The following ADAM22 variants were observed in gnomAD, a reference collection of about 807,000 sequenced individuals.
ADAM22 encodes the protein disintegrin and metalloproteinase domain-containing protein 22.
Under a neutral mutation model 144.6 loss-of-function variants are expected in ADAM22, and 65 were observed. That is an observed-to-expected ratio of 0.45 (90% CI 0.37 to 0.55). ADAM22 has a LOEUF of 0.55. ADAM22 is among the 20% of genes least tolerant of loss of function. The pLI is 0.00. For missense variants in ADAM22, 974 were observed against 1,184.9 expected (o/e 0.82, Z 2.61); for synonymous variants, 391 against 412.6 (o/e 0.95, Z 0.63).
chr7:88,044,439 A>G (rs1488226203), intron 3 of ADAM22, among the ~76,000 whole-genome samples: 2 of 152,148 alleles, frequency 1.3e-5, no homozygotes, highest in African/African-American at 2.4e-5. Flanking sequence ...TTAAATTCAT[A>G]TAATGGAGAC....
intron 3 of ADAM22, among the ~76,000 whole-genome samples, chr7:88,008,416 C>T (rs1184774714): frequency 5.3e-5 from 8 of 151,114 alleles, no homozygotes; most frequent in Admixed American, 2.6e-4. Context: ...ACCCAAAGGA[C>T]TATAAATCAT....
intron 7 of ADAM22, among the ~76,000 whole-genome samples, chr7:88,120,744 C>A (rs1829081891): frequency 6.6e-6 from 1 of 152,164 alleles, no homozygotes; most frequent in Admixed American, 6.6e-5. Flanking sequence ...TACTTAATGG[C>A]ATCTTATGAT....
In ADAM22 at chr7:88,094,146, A is replaced by G. The variant is rs550292480; in HGVS notation, c.391-14030A>G. Among the ~76,000 whole-genome samples the G allele has an allele frequency of 5.3e-5, 8 of 152,298 alleles. No individual in the cohort carries two copies. In the South Asian group the frequency reaches 1.7e-3, roughly 32 times the overall value. On this transcript the variant is annotated intron_variant, in intron 4 of 31. Transcript: ENST00000413139. Reference sequence around the variant, plus strand: ...CTTGCCCTCATGAAGCTTGTCCTTTAGTAGGAGAGACAGGCATGATGCAGG... The same window carrying G: ...CTTGCCCTCATGAAGCTTGTCCTTTGGTAGGAGAGACAGGCATGATGCAGG...
chr7:88,141,750 A>G (rs1834753317), intron 14 of ADAM22, among the ~76,000 whole-genome samples: 1 of 152,148 alleles, frequency 6.6e-6, no homozygotes, highest in Admixed American at 6.5e-5. Flanking sequence ...TTTTATTAAT[A>G]TATATCACAG....
chr7:88,037,889 C>T (rs972307193), intron 3 of ADAM22, among the ~76,000 whole-genome samples: 1 of 152,098 alleles, frequency 6.6e-6, no homozygotes, highest in African/African-American at 2.4e-5. Context: ...AAACTTTGTG[C>T]CAATATTCAG....
chr7:88,076,527 C>CCCACA (rs1814555550), intron 4 of ADAM22, among the ~76,000 whole-genome samples: 1 of 152,080 alleles, frequency 6.6e-6, no homozygotes, highest in Admixed American at 6.6e-5. Context: ...CCTGCCCCAC[C>CCCACA]CCACACCTCC....
chr7:87,979,056 C>T (rs1052822875), intron 3 of ADAM22, among the ~76,000 whole-genome samples: 3 of 152,150 alleles, frequency 2.0e-5, no homozygotes, highest in Admixed American at 1.3e-4. Context: ...AAAAGGGTTT[C>T]TATCCTACTT....
intron 4 of ADAM22, among the ~76,000 whole-genome samples, chr7:88,096,812 A>G (rs1044056815): frequency 6.6e-6 from 1 of 152,162 alleles, no homozygotes; most frequent in Non-Finnish European, 1.5e-5. Context: ...TTATGGAAAC[A>G]TAAGTAACAG....
chr7:88,034,893 T>G (rs1009606850), intron 3 of ADAM22, among the ~76,000 whole-genome samples: 1 of 152,062 alleles, frequency 6.6e-6, no homozygotes, highest in Non-Finnish European at 1.5e-5. Flanking sequence ...TGCTGGGGTG[T>G]GGGGAAGGGT....
intron 22 of ADAM22, among the ~76,000 whole-genome samples, chr7:88,159,992 T>C (rs1841128276): frequency 6.6e-6 from 1 of 152,178 alleles, no homozygotes; most frequent in Non-Finnish European, 1.5e-5. Context: ...CGTGATTCTA[T>C]ATCTAGAAAA....
At chr7:88,092,389 C>G (rs1000649750) in intron 4 of ADAM22, among the ~76,000 whole-genome samples, 1 of 152,208 alleles carries the variant, frequency 6.6e-6, no homozygotes, top group African/African-American at 2.4e-5. Flanking sequence ...GTGTTTATTT[C>G]CTCCTCACAT....
At position 88,154,612 on chromosome 7, in the gene ADAM22, CTTAT is replaced by C. The variant is rs1426000625; in HGVS notation, c.1788-1271_1788-1268del. 2.0e-5 allele frequency among the ~76,000 whole-genome samples: 3 copies of C among 152,084 alleles called. No individual in the cohort carries two copies. The East Asian group carries it at 5.8e-4, about 29-fold the overall frequency. ...GTTGTTTATGTGTGTGATTTATCTT[CTTAT>C]TTAGAGTATAATTTTCTTGTGAATA... On this transcript the variant is annotated intron_variant, in intron 21 of 31. Coordinates refer to ENST00000413139, the MANE Select transcript of ADAM22 (RefSeq NM_001324418.2).
At chr7:88,036,584 A>G (rs952188980) in intron 3 of ADAM22, among the ~76,000 whole-genome samples, 1 of 152,130 alleles carries the variant, frequency 6.6e-6, no homozygotes, top group Non-Finnish European at 1.5e-5. Context: ...TCACTGGAAT[A>G]CAGTACTGTA....
intron 26 of ADAM22, among the ~76,000 whole-genome samples, chr7:88,172,761 T>C (rs1844665181): frequency 6.6e-6 from 1 of 151,886 alleles, no homozygotes; most frequent in African/African-American, 2.4e-5. Context: ...AAAGTAAAAC[T>C]GGGACAAAAT....
chr7:88,122,548 C>T (rs1453230249), intron 7 of ADAM22, among the ~76,000 whole-genome samples: 1 of 152,188 alleles, frequency 6.6e-6, no homozygotes, highest in African/African-American at 2.4e-5. Context: ...GGTCTCTAAG[C>T]ATTTCATCCC....
intron 3 of ADAM22, among the ~76,000 whole-genome samples, chr7:88,068,524 G>A (rs1298258367): frequency 6.6e-6 from 1 of 152,126 alleles, no homozygotes; most frequent in African/African-American, 2.4e-5. Flanking sequence ...TTTGGTGACT[G>A]CTCTAAGGAA....
chr7:87,989,031 A>G (rs1276267758), intron 3 of ADAM22, among the ~76,000 whole-genome samples: 1 of 152,224 alleles, frequency 6.6e-6, no homozygotes, highest in Non-Finnish European at 1.5e-5. Context: ...GATTAATTCT[A>G]CTGTTTGTGT....
chr7:88,077,679 G>T lies in ADAM22; in HGVS notation c.390+1987G>T, dbSNP rs539905053. 7.9e-5 allele frequency among the ~76,000 whole-genome samples: 12 copies of T among 152,288 alleles called. No individual in the cohort carries two copies. In the South Asian group the frequency reaches 2.5e-3, roughly 32 times the overall value. On this transcript the variant is annotated intron_variant, in intron 4 of 31. Coordinates refer to ENST00000413139, the MANE Select transcript of ADAM22 (RefSeq NM_001324418.2). ...GCTTTTCCAACGGGCTTAACAAACG[G>T]CACACCAGGAGATTATATCCCACAC...
chr7:88,017,816 T>G (rs911315928), intron 3 of ADAM22, among the ~76,000 whole-genome samples: 5 of 152,066 alleles, frequency 3.3e-5, no homozygotes, highest in African/African-American at 1.2e-4. Context: ...TATATATGTG[T>G]GTGTGTGTAT....
Sources: allele counts gnomAD v4.1 joint callset (sites outside exome capture counted in the v4.1 genomes callset), GRCh38; gene constraint gnomAD v4.1.1; transcripts MANE v1.5; gene names NCBI Gene and HGNC (gene_info 2026-07-23, HGNC 2026-07-21).